Variants in IL1RAPL2 observed in about 807,000 individuals in gnomAD.
The protein encoded by IL1RAPL2 is X-linked interleukin-1 receptor accessory protein-like 2.
Under a neutral mutation model 44.1 loss-of-function variants are expected in IL1RAPL2, and 3 were observed. The ratio of observed to expected loss-of-function variants is 0.07; its 90% CI spans 0.03 to 0.18. The LOEUF is 0.18. IL1RAPL2 is among the 10% of genes least tolerant of loss of function. The pLI is 1.00. For synonymous variants in IL1RAPL2, 181 were observed against 178.8 expected, an observed-to-expected ratio of 1.01 and a Z score of -0.10; for missense variants, 391 against 496.4, an observed-to-expected ratio of 0.79 and a Z score of 2.02.
intron 1 of IL1RAPL2, among the ~76,000 whole-genome samples, chrX:104,585,401 A>AAT (rs200365558): frequency 5.9e-5 from 2 of 33,833 alleles, no homozygotes; most frequent in African/African-American, 2.2e-4. Context: ...TATAATATAT[A>AAT]ATATATATAT....
intron 5 of IL1RAPL2, among the ~76,000 whole-genome samples, chrX:105,351,435 C>A (rs138067035): frequency 9.0e-6 from 1 of 111,549 alleles, no homozygotes; most frequent in Non-Finnish European, 1.9e-5. Flanking sequence ...ATACACCATG[C>A]AATGCTATGC....
intron 6 of IL1RAPL2, among the ~76,000 whole-genome samples, chrX:105,636,094 G>A (rs2037521181): frequency 9.0e-6 from 1 of 111,060 alleles, no homozygotes; most frequent in Admixed American, 9.6e-5. Context: ...CTGAAGAGTA[G>A]CCAGTGGAGA....
chrX:105,179,491 A>T, intron 2 of IL1RAPL2, among the ~76,000 whole-genome samples: 1 of 111,767 alleles, frequency 8.9e-6, no homozygotes. Context: ...TTGGGTTCAT[A>T]TGAGTTTTTG....
At chrX:105,618,480 A>T (rs1386409298) in intron 6 of IL1RAPL2, among the ~76,000 whole-genome samples, 1 of 111,566 alleles carries the variant, frequency 9.0e-6, no homozygotes, top group Non-Finnish European at 1.9e-5. Flanking sequence ...ATGGTTGGAA[A>T]TGAAGTTTTC....
At chrX:104,619,265 C>G (rs1929338231) in intron 1 of IL1RAPL2, among the ~76,000 whole-genome samples, 1 of 112,188 alleles carries the variant, frequency 8.9e-6, no homozygotes, top group African/African-American at 3.2e-5. Context: ...AAAATGATAT[C>G]CTGCTCTCAG....
chrX:104,791,228 A>G (rs1412018255), intron 2 of IL1RAPL2, among the ~76,000 whole-genome samples: 1 of 12,095 alleles, frequency 8.3e-5, no homozygotes, highest in African/African-American at 3.6e-4. Flanking sequence ...TCCTCTCTCC[A>G]CCCCCACCCC....
intron 2 of IL1RAPL2, among the ~76,000 whole-genome samples, chrX:105,072,866 T>C (rs2032227182): frequency 2.8e-5 from 3 of 108,921 alleles, no homozygotes; most frequent in Admixed American, 9.8e-5. Context: ...CCATGTGTTC[T>C]CATTGTTCAG....
chrX:105,351,911 T>C (rs890814517), intron 5 of IL1RAPL2, among the ~76,000 whole-genome samples: 1 of 111,571 alleles, frequency 9.0e-6, no homozygotes, highest in Admixed American at 9.6e-5. Context: ...TGGCAACCAT[T>C]TGTTGCTTCA....
At chrX:105,131,463 T>G (rs2033025820) in intron 2 of IL1RAPL2, among the ~76,000 whole-genome samples, 1 of 109,949 alleles carries the variant, frequency 9.1e-6, no homozygotes, top group South Asian at 3.8e-4. Context: ...AATTTAGAAT[T>G]TCATATAATT....
At chrX:105,646,593 A>C (rs1381702164) in intron 6 of IL1RAPL2, among the ~76,000 whole-genome samples, 4 of 111,975 alleles carry the variant, frequency 3.6e-5, no homozygotes. Flanking sequence ...GGAAGATATA[A>C]AAACAGGTAA....
intron 2 of IL1RAPL2, among the ~76,000 whole-genome samples, chrX:104,956,358 A>G (rs1454915877): frequency 8.9e-6 from 1 of 111,768 alleles, no homozygotes; most frequent in Non-Finnish European, 1.9e-5. Flanking sequence ...GTGGTGGCTC[A>G]GGCCTGTAAT....
chrX:105,448,445 A>G (rs1472955115), intron 5 of IL1RAPL2, among the ~76,000 whole-genome samples: 2 of 108,763 alleles, frequency 1.8e-5, no homozygotes, highest in African/African-American at 6.8e-5. Context: ...CCTTACTGCA[A>G]TCTCCGCCTC....
chrX:105,492,850 C>A (rs1196902885), intron 6 of IL1RAPL2, among the ~76,000 whole-genome samples: 2 of 110,650 alleles, frequency 1.8e-5, no homozygotes, highest in African/African-American at 6.6e-5. Flanking sequence ...CGATGTTGTG[C>A]AAGCATCACC....
chrX:105,630,004 G>A (rs1013919984), intron 6 of IL1RAPL2, among the ~76,000 whole-genome samples: 3 of 111,622 alleles, frequency 2.7e-5, no homozygotes, highest in African/African-American at 9.8e-5. Flanking sequence ...TCTGTAAAAT[G>A]AGAGATTTGA....
At chrX:105,035,580 A>T (rs1316849591) in intron 2 of IL1RAPL2, among the ~76,000 whole-genome samples, 3 of 112,477 alleles carry the variant, frequency 2.7e-5, no homozygotes, top group South Asian at 3.6e-4. Flanking sequence ...ACATGGTTTA[A>T]TGTAGCTTTA....
chrX:104,567,489 T>G (rs1473271237), intron 1 of IL1RAPL2, among the ~76,000 whole-genome samples: 1 of 112,004 alleles, frequency 8.9e-6, no homozygotes, highest in Non-Finnish European at 1.9e-5. Context: ...CAGCGAGGGG[T>G]TCCCCAGCAA....
intron 2 of IL1RAPL2, among the ~76,000 whole-genome samples, chrX:104,729,447 C>CTTTTTTT (rs5903245): frequency 1.3e-4 from 6 of 46,472 alleles, no homozygotes; most frequent in Non-Finnish European, 2.0e-4. Context: ...GGCCTGCTGC[C>CTTTTTTT]TTTTTTTTTT....
At chrX:105,677,484 C>A (rs1056633421) in intron 6 of IL1RAPL2, among the ~76,000 whole-genome samples, 1 of 112,366 alleles carries the variant, frequency 8.9e-6, no homozygotes, top group Admixed American at 9.5e-5. Context: ...GAAATACTTG[C>A]ATTAAGTTGC....
chrX:104,747,277 A>T (rs930766934), intron 2 of IL1RAPL2, among the ~76,000 whole-genome samples: 7 of 111,238 alleles, frequency 6.3e-5, no homozygotes, highest in African/African-American at 2.3e-4. Context: ...CTTTATGTGT[A>T]TTCCTGTAAC....
Sources: gnomAD v4.1 joint callset for allele counts (sites outside exome capture counted in the v4.1 genomes callset) on GRCh38, gnomAD v4.1.1 for gene constraint, MANE v1.5 for transcripts, NCBI Gene and HGNC (gene_info 2026-07-23, HGNC 2026-07-21) for gene names.